The following ZNF33B variants were observed in gnomAD, a reference collection of about 807,000 sequenced individuals.
ZNF33B encodes the protein zinc finger protein 33B.
Under a neutral mutation model 45.8 loss-of-function variants are expected in ZNF33B, and 29 were observed. The ratio of observed to expected loss-of-function variants is 0.63; its 90% CI spans 0.47 to 0.86. ZNF33B has a LOEUF of 0.86. Ranked by LOEUF, ZNF33B falls within the 40% of genes least tolerant of loss-of-function variation. The pLI, the probability that ZNF33B is intolerant of heterozygous loss-of-function variation, is 0.00. For missense variants in ZNF33B, 831 were observed against 909.9 expected, an observed-to-expected ratio of 0.91 and a Z score of 1.12; for synonymous variants, 305 against 307.8, an observed-to-expected ratio of 0.99 and a Z score of 0.10.
In ZNF33B at chr10:42,612,231, TGA is replaced by T. The variant is rs1285765721; in HGVS notation, c.251-17534_251-17533del. On this transcript the variant is annotated intron_variant, in intron 4 of 4. Transcript: ENST00000359467. ...TGTTGACGTGGCAGGTTACAGAAGT[TGA>T]TTTTTTTTTTTTTTTTTTTTGAGAC... is the stretch of plus-strand genomic sequence containing the variant. Among the ~76,000 whole-genome samples, 43 of 123,238 alleles carry T rather than the reference TGA, an allele frequency of 3.5e-4. 1 individual carries two copies. In the Admixed American group the frequency reaches 3.5e-3, roughly 10 times the overall value. 80.8% of individuals were successfully genotyped at this position (123,238 alleles called of 152,430 possible). A position where few individuals can be genotyped will look rare whatever the true frequency, so the allele number is the denominator to read the frequency against.
intron 4 of ZNF33B, among the ~76,000 whole-genome samples, chr10:42,620,634 G>A (rs1175838548): frequency 6.6e-6 from 1 of 151,512 alleles, no homozygotes; most frequent in African/African-American, 2.4e-5. Flanking sequence ...GGTCTCCAAG[G>A]CCTGGGCTCA....
downstream of ZNF33B, among the ~76,000 whole-genome samples, chr10:42,588,302 C>T (rs1426235626): frequency 1.3e-5 from 2 of 152,198 alleles, no homozygotes; most frequent in African/African-American, 4.8e-5. Context: ...GTGACACTCA[C>T]CTCCCCTAAG....
intron 4 of ZNF33B, among the ~76,000 whole-genome samples, chr10:42,606,018 A>C (rs1282371622): frequency 6.6e-6 from 1 of 152,114 alleles, no homozygotes; most frequent in Non-Finnish European, 1.5e-5. Flanking sequence ...GTATTGTTTG[A>C]GTCCAGGAGG....
At chr10:42,580,559 G>A (rs1791827406) in intron 1 of ZNF33B, among the ~76,000 whole-genome samples, 1 of 151,778 alleles carries the variant, frequency 6.6e-6, no homozygotes, top group South Asian at 2.1e-4. Flanking sequence ...TTTTTATGTG[G>A]GCTTTACACA....
At chr10:42,620,217 G>GAA (rs35650961) in intron 4 of ZNF33B, among the ~76,000 whole-genome samples, 3 of 100,616 alleles carry the variant, frequency 3.0e-5, no homozygotes, top group Non-Finnish European at 6.4e-5. Context: ...CTTTGGTCTT[G>GAA]AAAAAAAAAA....
At chr10:42,636,386 T>C (rs1839301080) in intron 2 of ZNF33B, among the ~76,000 whole-genome samples, 1 of 152,230 alleles carries the variant, frequency 6.6e-6, no homozygotes, top group Non-Finnish European at 1.5e-5. Context: ...ATCCAGTGTC[T>C]TCCTTTCTGC....
At chr10:42,583,179 G>C in intron 1 of ZNF33B, 1 of 749,198 alleles carries the variant, frequency 1.3e-6, no homozygotes, top group Non-Finnish European at 2.4e-6. Flanking sequence ...TCTTAGGGTT[G>C]ATGTGAAGAT....
At chr10:42,625,040 A>T (rs1042570244) in intron 4 of ZNF33B, among the ~76,000 whole-genome samples, 6 of 15,264 alleles carry the variant, frequency 3.9e-4, no homozygotes, top group Middle Eastern at 0.042. Context: ...TTCATATTTT[A>T]TATATATATA....
chr10:42,581,504 A>C (rs1440377089), intron 1 of ZNF33B: 1 of 150,846 alleles, frequency 6.6e-6, no homozygotes, highest in South Asian at 2.1e-4. Context: ...GTCCACGGGA[A>C]GACATGGAGA....
At chr10:42,587,753 G>A (rs1199999979), downstream of ZNF33B, among the ~76,000 whole-genome samples, 1 of 152,206 alleles carries the variant, frequency 6.6e-6, no homozygotes, top group African/African-American at 2.4e-5. Context: ...GTTTTGTATT[G>A]GGAGAGCAGA....
At chr10:42,627,305 A>C (rs369489598) in intron 4 of ZNF33B, among the ~76,000 whole-genome samples, 75 of 152,326 alleles carry the variant, frequency 4.9e-4, no homozygotes, top group Non-Finnish European at 9.3e-4. Flanking sequence ...CACCTGGCCT[A>C]TGTTGTCATA....
At chr10:42,619,023 G>T (rs751145748) in intron 4 of ZNF33B, among the ~76,000 whole-genome samples, 1 of 151,518 alleles carries the variant, frequency 6.6e-6, no homozygotes, top group Non-Finnish European at 1.5e-5. Flanking sequence ...ATCTCATTTT[G>T]TTGTTGTTCT....
chr10:42,623,965 C>T (rs946199490), intron 4 of ZNF33B, among the ~76,000 whole-genome samples: 8 of 152,126 alleles, frequency 5.3e-5, no homozygotes, highest in African/African-American at 9.7e-5. Flanking sequence ...TAACAAAATA[C>T]CAGACAGTAT....
At chr10:42,637,334 A>C (rs1262593222) in intron 1 of ZNF33B, among the ~76,000 whole-genome samples, 1 of 152,248 alleles carries the variant, frequency 6.6e-6, no homozygotes, top group Non-Finnish European at 1.5e-5. Context: ...ATTGTAAAGA[A>C]TAGGACTAGG....
chr10:42,636,596 C>A (rs935796756), intron 2 of ZNF33B, among the ~76,000 whole-genome samples: 65 of 152,262 alleles, frequency 4.3e-4, no homozygotes, highest in African/African-American at 1.5e-3. Flanking sequence ...CCGAGGCGGG[C>A]GGATTGCCTG....
chr10:42,622,045 C>A (rs540434217), intron 4 of ZNF33B, among the ~76,000 whole-genome samples: 2 of 152,206 alleles, frequency 1.3e-5, no homozygotes, highest in South Asian at 2.1e-4. Flanking sequence ...CTGCAAAGAA[C>A]AATCTGAAAA....
At chr10:42,586,151 T>TTG, downstream of ZNF33B, among the ~76,000 whole-genome samples, 1 of 6,472 alleles carries the variant, frequency 1.5e-4, no homozygotes, top group East Asian at 0.024. Flanking sequence ...TTTCCTCAGA[T>TTG]TTTTTTTTTT....
intron 1 of ZNF33B, chr10:42,583,436 C>T (rs1323257902): frequency 9.7e-6 from 3 of 308,830 alleles, no homozygotes; most frequent in East Asian, 7.8e-5. Context: ...TGGTATTGCC[C>T]GCTGAGATGG....
At chr10:42,579,140 A>G (rs762180275) in intron 1 of ZNF33B, among the ~76,000 whole-genome samples, 1 of 152,250 alleles carries the variant, frequency 6.6e-6, no homozygotes, top group Middle Eastern at 3.4e-3. Flanking sequence ...CTACCACATC[A>G]TGGTTCATCC....
Sources: gnomAD v4.1 joint callset for allele counts (sites outside exome capture counted in the v4.1 genomes callset) on GRCh38, gnomAD v4.1.1 for gene constraint, MANE v1.5 for transcripts, NCBI Gene and HGNC (gene_info 2026-07-23, HGNC 2026-07-21) for gene names.